The following PLXNA2 variants were observed in gnomAD, a reference collection of about 807,000 sequenced individuals.
PLXNA2 encodes the protein plexin A2.
Under a neutral mutation model 193.5 loss-of-function variants are expected in PLXNA2, and 91 were observed. The observed-to-expected ratio is 0.47, with a 90% CI of 0.40 to 0.56. The LOEUF (loss-of-function observed/expected upper bound fraction) is 0.56. Among genes scored for constraint, PLXNA2 ranks in the 20% least tolerant of loss-of-function variants. PLXNA2 has a pLI of 0.00. For missense variants in PLXNA2, 1,995 were observed against 2,503.2 expected (o/e 0.80, Z 4.33); for synonymous variants, 997 against 1,027.3 (o/e 0.97, Z 0.56).
intron 4 of PLXNA2, among the ~76,000 whole-genome samples, chr1:208,140,406 A>C (rs995250769): frequency 1.3e-5 from 2 of 152,184 alleles, no homozygotes; most frequent in African/African-American, 4.8e-5. Flanking sequence ...CTCATTGGTC[A>C]CTTCTTCCTT....
intron 3 of PLXNA2, among the ~76,000 whole-genome samples, chr1:208,196,860 T>C (rs1364607505): frequency 6.6e-6 from 1 of 152,154 alleles, no homozygotes; most frequent in Non-Finnish European, 1.5e-5. Flanking sequence ...CGGGGGTAGA[T>C]GTTGGAAAAG....
rs1430241949 is a variant in PLXNA2, at chr1:208,038,214, G to T, written c.4764+157C>A. Among the ~76,000 whole-genome samples the T allele has an allele frequency of 1.3e-5, 2 of 152,186 alleles. No homozygotes were observed. Among genetic ancestry groups the T allele is most frequent in the African/African-American group, 4.8e-5 (2 of 41,442 alleles). ...TATCAGTTCCCTCAGTAATTCCAATGGGCAGCCATGGCTAAGAATCCCTGT... is the reference window on the plus strand; with the variant it reads ...TATCAGTTCCCTCAGTAATTCCAATTGGCAGCCATGGCTAAGAATCCCTGT... On this transcript the variant is annotated intron_variant, in intron 26 of 31. Coordinates refer to ENST00000367033, the MANE Select transcript of PLXNA2 (RefSeq NM_025179.4). The surrounding 1 kb of genome is among the most constrained non-coding windows in gnomAD (Gnocchi z 4.1).
At chr1:208,113,923 G>A (rs1667564859) in intron 4 of PLXNA2, among the ~76,000 whole-genome samples, 1 of 152,134 alleles carries the variant, frequency 6.6e-6, no homozygotes, top group South Asian at 2.1e-4. Flanking sequence ...GTTTGGAGTG[G>A]AAATCATCAG....
At chr1:208,206,788 T>C (rs1014354639) in intron 3 of PLXNA2, among the ~76,000 whole-genome samples, 1 of 126,586 alleles carries the variant, frequency 7.9e-6, no homozygotes, top group Non-Finnish European at 1.7e-5. Context: ...TTTTTTTTTT[T>C]GAGACAGACT....
At chr1:208,232,199 A>C (rs1307007042) in intron 1 of PLXNA2, among the ~76,000 whole-genome samples, 1 of 152,192 alleles carries the variant, frequency 6.6e-6, no homozygotes, top group Non-Finnish European at 1.5e-5. Flanking sequence ...GAAAGGATCC[A>C]AAAGCACAAA....
At chr1:208,095,200 T>C (rs1666841566) in intron 8 of PLXNA2, among the ~76,000 whole-genome samples, 2 of 152,234 alleles carry the variant, frequency 1.3e-5, no homozygotes, top group Non-Finnish European at 2.9e-5. Context: ...TCCTTCTTTC[T>C]AAACCAAATG....
At chr1:208,114,205 C>A (rs918021913) in intron 4 of PLXNA2, among the ~76,000 whole-genome samples, 1 of 152,202 alleles carries the variant, frequency 6.6e-6, no homozygotes, top group East Asian at 1.9e-4. Flanking sequence ...AGCAACACTT[C>A]CTGCTCTGCT....
At chr1:208,200,577 C>CTTTTTTTTTTTTTTTTTTTTT (rs36026400) in intron 3 of PLXNA2, among the ~76,000 whole-genome samples, 1 of 113,998 alleles carries the variant, frequency 8.8e-6, no homozygotes. Context: ...CCCAATCCTT[C>CTTTTTTTTTTTTTTTTTTTTT]TTTTTTTTTT....
chr1:208,056,756 G>A (rs1178187554), intron 13 of PLXNA2, among the ~76,000 whole-genome samples: 2 of 152,218 alleles, frequency 1.3e-5, no homozygotes, highest in African/African-American at 4.8e-5. Flanking sequence ...AATCAGAGCT[G>A]GCCATAGGTC....
chr1:208,237,240 C>A (rs780062847), intron 1 of PLXNA2, among the ~76,000 whole-genome samples: 3 of 152,334 alleles, frequency 2.0e-5, no homozygotes, highest in Non-Finnish European at 4.4e-5. Context: ...GCAGAGGCAG[C>A]CCGAGGAGTG....
intron 4 of PLXNA2, among the ~76,000 whole-genome samples, chr1:208,133,701 T>C (rs1668225167): frequency 1.3e-5 from 2 of 152,238 alleles, no homozygotes; most frequent in Admixed American, 6.5e-5. Context: ...ATGTTGCTAA[T>C]TAAAAGTTTT....
At chr1:208,139,276 C>T (rs1018485983) in intron 4 of PLXNA2, among the ~76,000 whole-genome samples, 5 of 152,122 alleles carry the variant, frequency 3.3e-5, no homozygotes, top group African/African-American at 1.2e-4. Context: ...AAGTTGAGGG[C>T]CCAGGTTACC....
At chr1:208,040,347 G>A (rs1536472) in intron 22 of PLXNA2, 332,834 of 448,686 alleles carry the variant, frequency 0.74, 125,684 homozygotes, top group Non-Finnish European at 0.8. Context: ...GACAGGGTCT[G>A]TGGATAAAGG....
At chr1:208,195,727 C>A (rs1219325632) in intron 3 of PLXNA2, among the ~76,000 whole-genome samples, 3 of 152,004 alleles carry the variant, frequency 2.0e-5, no homozygotes, top group Non-Finnish European at 2.9e-5. Flanking sequence ...AGACTGGCTG[C>A]AGCCCAGGGG....
chr1:208,039,921 C>G, intron 23 of PLXNA2, 71 bp downstream of exon 23: 2 of 1,585,172 alleles, frequency 1.3e-6, no homozygotes, highest in Non-Finnish European at 1.7e-6. Context: ...CCATGCAGCC[C>G]TGTGGCCAGG....
chr1:208,135,921 A>T (rs1387533493), intron 4 of PLXNA2, among the ~76,000 whole-genome samples: 1 of 152,190 alleles, frequency 6.6e-6, no homozygotes, highest in Non-Finnish European at 1.5e-5. Flanking sequence ...AGTCACAAAA[A>T]GGCGATGCAA....
At chr1:208,206,386 C>G (rs554344913) in intron 3 of PLXNA2, among the ~76,000 whole-genome samples, 1 of 152,340 alleles carries the variant, frequency 6.6e-6, no homozygotes, top group East Asian at 1.9e-4. Context: ...TCACGGTTCG[C>G]TAAAATCCCA....
At chr1:208,031,504 C>G in intron 29 of PLXNA2, 86 bp downstream of exon 29, 1 of 1,523,898 alleles carries the variant, frequency 6.6e-7, no homozygotes, top group Non-Finnish European at 9.1e-7. Flanking sequence ...AGGCTATCCT[C>G]CCACCCTCCC....
intron 4 of PLXNA2, among the ~76,000 whole-genome samples, chr1:208,128,651 C>A (rs942765022): frequency 1.3e-5 from 2 of 151,718 alleles, no homozygotes. Flanking sequence ...TTTTCCCCCT[C>A]CTCTCTTTCT....
Sources: gnomAD v4.1 joint callset for allele counts (sites outside exome capture counted in the v4.1 genomes callset) on GRCh38, gnomAD v4.1.1 for gene constraint, Gnocchi (gnomAD v3.1) non-coding constraint, MANE v1.5 for transcripts, NCBI Gene and HGNC (gene_info 2026-07-23, HGNC 2026-07-21) for gene names.